Variants in TIPRL observed in about 807,000 individuals in gnomAD.
TIPRL encodes the protein TIP41-like protein.
Under a neutral mutation model 32.3 loss-of-function variants are expected in TIPRL, and 10 were observed. That is an observed-to-expected ratio of 0.31 (90% CI 0.19 to 0.52). The LOEUF (loss-of-function observed/expected upper bound fraction) is 0.52, where lower values mean the gene tolerates loss of function less well. Ranked by LOEUF, TIPRL falls within the 20% of genes least tolerant of loss-of-function variation. The probability of loss-of-function intolerance (pLI) is 0.96; values close to 1 mark genes in which losing one functional copy is unlikely to be tolerated. For missense variants in TIPRL, 250 were observed against 328.1 expected (o/e 0.76, Z 1.84); for synonymous variants, 100 against 114.0 (o/e 0.88, Z 0.78).
At position 168,185,018 on chromosome 1, in the gene TIPRL, T is replaced by C. The variant is rs1474221962; in HGVS notation, c.384+140T>C. 9.1e-6 allele frequency: 5 copies of C among 547,000 alleles called. No homozygotes were observed. The African/African-American group carries it at 9.7e-5, about 11-fold the overall frequency. The allele number at this position is 547,000 out of a possible 1,614,324, so 33.9% of individuals were successfully genotyped here. ...TTGTGGCATTCCTCAGAACCTAATG[T>C]GAGGGGGTTTTGCTTGTTGACTTAT... is the stretch of plus-strand genomic sequence containing the variant. On this transcript the variant is annotated intron_variant, in intron 3 of 6. Coordinates refer to ENST00000367833, the MANE Select transcript of TIPRL (RefSeq NM_152902.5).
intron 3 of TIPRL, 74 bp from the exon 4 acceptor site, chr1:168,191,295 G>C: frequency 7.4e-7 from 1 of 1,344,554 alleles, no homozygotes; most frequent in Non-Finnish European, 1.0e-6. Context: ...GAAAAGAAAA[G>C]ACTGCTTTCC....
chr1:168,183,589 ATCTTT>A (rs1302569010), intron 1 of TIPRL, among the ~76,000 whole-genome samples: 1 of 152,090 alleles, frequency 6.6e-6, no homozygotes, highest in Non-Finnish European at 1.5e-5. Context: ...TTGCTTTGCT[ATCTTT>A]TCTTCATACC....
intron 6 of TIPRL, 110 bp downstream of exon 6, chr1:168,199,091 C>A: frequency 1.3e-6 from 1 of 744,572 alleles, no homozygotes; most frequent in Non-Finnish European, 2.3e-6. Flanking sequence ...TAAACCCATT[C>A]ATTCACCTAA....
At chr1:168,184,740 G>A in intron 2 of TIPRL, 39 bp from the exon 3 acceptor site, 1 of 1,235,974 alleles carries the variant, frequency 8.1e-7, no homozygotes, top group Non-Finnish European at 1.2e-6. Context: ...TCTCTATTCT[G>A]CATCACTGAA....
chr1:168,196,735 A>T, intron 5 of TIPRL, 93 bp downstream of exon 5: 2 of 822,656 alleles, frequency 2.4e-6, no homozygotes, highest in Non-Finnish European at 3.7e-6. Context: ...TAAACAATCT[A>T]TATTATATGG....
chr1:168,185,491 G>A (rs1429022280), intron 3 of TIPRL, among the ~76,000 whole-genome samples: 4 of 152,074 alleles, frequency 2.6e-5, no homozygotes, highest in African/African-American at 9.7e-5. Context: ...AAGAGATTGG[G>A]GCCAGGCGCA....
intron 4 of TIPRL, 60 bp from the exon 5 acceptor site, chr1:168,196,487 A>G: frequency 8.1e-7 from 1 of 1,237,498 alleles, no homozygotes; most frequent in Non-Finnish European, 1.1e-6. Flanking sequence ...TTCTTTCAGC[A>G]AAGTAATAAA....
chr1:168,192,223 C>T (rs1212092772), intron 4 of TIPRL: 7 of 1,478,060 alleles, frequency 4.7e-6, no homozygotes, highest in Non-Finnish European at 6.3e-6. Context: ...TGGCGGGCAC[C>T]TGTAGTCCCA....
chr1:168,192,040 T>C, intron 4 of TIPRL, among the ~76,000 whole-genome samples: 1 of 152,064 alleles, frequency 6.6e-6, no homozygotes, highest in East Asian at 1.9e-4. Context: ...CACCTTGTAG[T>C]TTATTTGTTT....
At chr1:168,184,246 C>T (rs530917325) in intron 2 of TIPRL, among the ~76,000 whole-genome samples, 165 bp downstream of exon 2, 1 of 152,264 alleles carries the variant, frequency 6.6e-6, no homozygotes, top group South Asian at 2.1e-4. Context: ...TTTTCTCAGA[C>T]ATAAAAATGG....
rs1160025842 is a variant in TIPRL at position 168,198,948 on chromosome 1, T to C, written c.642T>C (p.Tyr214=). 1.9e-6 allele frequency: 3 copies of C among 1,612,614 alleles called. No homozygotes were observed. The highest frequency in any genetic ancestry group is 2.5e-6 in the Non-Finnish European group (3 of 1,179,130). The change falls in exon 6 of 7, where the codon TAT becomes TAC. Residue 214 remains tyrosine, a synonymous_variant. Transcript: ENST00000367833. ...EADKTYMLRE[Y]TSRESKISSL... ...ACAAGACCTACATGTTACGAGAATATACGTCACGAGAAAGCAAAATTTCTA... is the reference window on the plus strand; with the variant it reads ...ACAAGACCTACATGTTACGAGAATACACGTCACGAGAAAGCAAAATTTCTA...
intron 4 of TIPRL, chr1:168,192,516 AC>A: frequency 1.6e-6 from 1 of 644,478 alleles, no homozygotes; most frequent in Non-Finnish European, 1.9e-6. Flanking sequence ...AGACCCAAAG[AC>A]CCAGCTAAAA....
At chr1:168,199,190 G>A (rs891309710) in intron 6 of TIPRL, among the ~76,000 whole-genome samples, 1 of 152,080 alleles carries the variant, frequency 6.6e-6, no homozygotes, top group South Asian at 2.1e-4. Context: ...AGGTACTTAA[G>A]CCTCATCTAA....
In TIPRL at chr1:168,179,111, G is replaced by C. The variant is rs1699927847; in HGVS notation, c.34G>C (p.Asp12His). The C allele has an allele frequency of 1.2e-6, 2 of 1,614,096 alleles. No individual in the cohort carries two copies. The highest frequency in any genetic ancestry group is 1.7e-6 in the Non-Finnish European group (2 of 1,179,976). The change falls in exon 1 of 7, where the codon GAT becomes CAT. Residue 12 changes from aspartate to histidine, a missense_variant. Transcript: ENST00000367833. The stretch of plus-strand genomic sequence containing the variant: ...CCACGGCTTCCAGAGCAGCCACCGG[G>C]ATTTCTGCTTCGGGCCCTGGAAGCT... ...MIHGFQSSHR[D>H]FCFGPWKLTA... is the part of the protein sequence containing the mutation.
In TIPRL at chr1:168,191,050, AC is replaced by A. The variant is rs371387116; in HGVS notation, c.385-318del. On this transcript the variant is annotated intron_variant, in intron 3 of 6. Transcript: ENST00000367833. ...TTCTATGATAGCAGTCGTTCATCACACTGACTGATGTTTAGTTGATTAATTT... is the reference window on the plus strand; with the variant it reads ...TTCTATGATAGCAGTCGTTCATCACATGACTGATGTTTAGTTGATTAATTT... 6.4e-4 allele frequency among the ~76,000 whole-genome samples: 98 copies of A among 152,286 alleles called. 1 individual carries two copies. The East Asian group carries it at 0.018, about 28-fold the overall frequency.
intron 1 of TIPRL, among the ~76,000 whole-genome samples, chr1:168,180,934 G>A (rs1699954643): frequency 6.6e-6 from 1 of 150,912 alleles, no homozygotes; most frequent in South Asian, 2.1e-4. Context: ...AAAGTGCCGG[G>A]ATTACAGGCA....
intron 1 of TIPRL, 117 bp downstream of exon 1, chr1:168,179,298 G>C: frequency 2.5e-6 from 2 of 809,446 alleles, no homozygotes; most frequent in Non-Finnish European, 3.9e-6. Context: ...CGGTCCCTCC[G>C]GACCGGACCT....
rs1355269652 is a variant in TIPRL at position 168,201,843 on chromosome 1, G to T, written c.*1797G>T. On this transcript the variant is annotated 3_prime_UTR_variant, in exon 7 of 7. Coordinates refer to ENST00000367833, the MANE Select transcript of TIPRL (RefSeq NM_152902.5). ...TTTTTTTTAACTTGTTGATTCAGAT[G>T]TCTTGGTCCCTGAATAGTCCTAGAT... The T allele has an allele frequency of 6.7e-6, 1 of 149,970 alleles. No homozygotes were observed. The highest frequency in any genetic ancestry group is 6.7e-5 in the Admixed American group (1 of 15,036). 9.3% of individuals were successfully genotyped at this position (149,970 alleles called of 1,614,324 possible). A position where few individuals can be genotyped will look rare whatever the true frequency, so the allele number is the denominator to read the frequency against.
At chr1:168,198,384 A>G (rs1267699416) in intron 5 of TIPRL, among the ~76,000 whole-genome samples, 1 of 152,130 alleles carries the variant, frequency 6.6e-6, no homozygotes, top group Non-Finnish European at 1.5e-5. Context: ...TTGCTGTTCT[A>G]AAACCTAACC....
Sources: gnomAD v4.1 joint callset for allele counts (sites outside exome capture counted in the v4.1 genomes callset) on GRCh38, gnomAD v4.1.1 for gene constraint, MANE v1.5 for transcripts, NCBI Gene and HGNC (gene_info 2026-07-23, HGNC 2026-07-21) for gene names.